The following SEMA6D variants were observed in gnomAD, a reference collection of about 807,000 sequenced individuals.
SEMA6D encodes semaphorin 6D.
SEMA6D carries 35 observed loss-of-function variants against 106.6 expected under a neutral mutation model. The ratio of observed to expected loss-of-function variants is 0.33; its 90% CI spans 0.25 to 0.44. The LOEUF (loss-of-function observed/expected upper bound fraction) is 0.44. Ranked by LOEUF, SEMA6D falls within the 20% of genes least tolerant of loss-of-function variation. The probability of loss-of-function intolerance (pLI) is 1.00; values close to 1 mark genes in which losing one functional copy is unlikely to be tolerated. For missense variants in SEMA6D, 1,185 were observed against 1,345.9 expected, an observed-to-expected ratio of 0.88 and a Z score of 1.87; for synonymous variants, 499 against 487.7, an observed-to-expected ratio of 1.02 and a Z score of -0.31.
intron 1 of SEMA6D, among the ~76,000 whole-genome samples, chr15:47,226,918 C>T (rs951727870): frequency 6.6e-6 from 1 of 152,008 alleles, no homozygotes; most frequent in Non-Finnish European, 1.5e-5. Context: ...TTCTAATTGT[C>T]TTTCATGGCT....
At chr15:47,404,218 T>C (rs2040487349) in intron 1 of SEMA6D, among the ~76,000 whole-genome samples, 2 of 152,142 alleles carry the variant, frequency 1.3e-5, no homozygotes, top group African/African-American at 4.8e-5. Context: ...GAACCTCTAT[T>C]CTAGAGGAAG....
At chr15:47,607,003 A>G (rs2076795128) in intron 4 of SEMA6D, among the ~76,000 whole-genome samples, 1 of 152,134 alleles carries the variant, frequency 6.6e-6, no homozygotes, top group South Asian at 2.1e-4. Flanking sequence ...AGATCCAAGA[A>G]TCAAGGGAGA....
At chr15:47,638,980 G>A (rs148244359) in intron 4 of SEMA6D, among the ~76,000 whole-genome samples, 1 of 152,312 alleles carries the variant, frequency 6.6e-6, no homozygotes, top group East Asian at 1.9e-4. Context: ...TTGCCTGCTT[G>A]TATGTGGCTT....
At chr15:47,364,943 G>A (rs916148105) in intron 1 of SEMA6D, among the ~76,000 whole-genome samples, 2 of 152,172 alleles carry the variant, frequency 1.3e-5, no homozygotes, top group African/African-American at 2.4e-5. Context: ...CAAAAGAAAA[G>A]CATGGTAGGC....
chr15:47,476,682 G>A (rs1797225), intron 3 of SEMA6D, among the ~76,000 whole-genome samples: 122,162 of 152,040 alleles, frequency 0.8, 50,057 homozygotes, highest in East Asian at 1. Context: ...GTGCTGACAC[G>A]CCCCAGGCAT....
chr15:47,326,604 A>G (rs1346778203), intron 1 of SEMA6D, among the ~76,000 whole-genome samples: 1 of 152,230 alleles, frequency 6.6e-6, no homozygotes, highest in African/African-American at 2.4e-5. Context: ...TTGCCGTGCG[A>G]ACCTTGAAAA....
intron 18 of SEMA6D, 23 bp downstream of exon 18, chr15:47,768,771 A>T: frequency 6.2e-7 from 1 of 1,600,980 alleles, no homozygotes; most frequent in Admixed American, 1.7e-5. Flanking sequence ...CAGGGACCTC[A>T]TCTCTAACTG....
At chr15:47,543,642 A>G (rs2045426401) in intron 3 of SEMA6D, among the ~76,000 whole-genome samples, 1 of 152,148 alleles carries the variant, frequency 6.6e-6, no homozygotes, top group South Asian at 2.1e-4. Context: ...CCTATGGGCT[A>G]GTTATTTTAA....
chr15:47,646,403 A>G (rs1407532611), intron 4 of SEMA6D, among the ~76,000 whole-genome samples: 1 of 152,208 alleles, frequency 6.6e-6, no homozygotes, highest in South Asian at 2.1e-4. Context: ...ATGAGAACGG[A>G]CTGAACGCAT....
chr15:47,335,042 A>G (rs2144244767), intron 1 of SEMA6D, among the ~76,000 whole-genome samples: 1 of 152,298 alleles, frequency 6.6e-6, no homozygotes, highest in South Asian at 2.1e-4. Flanking sequence ...AAATCTACCC[A>G]CAAAGGCGAA....
chr15:47,454,144 A>ACAAGGC (rs201608597), intron 2 of SEMA6D, among the ~76,000 whole-genome samples: 2,539 of 152,054 alleles, frequency 0.017, 76 homozygotes, highest in African/African-American at 0.058. Flanking sequence ...GTGGATATAT[A>ACAAGGC]CAAGGCTCTG....
chr15:47,764,402 C>A, intron 11 of SEMA6D, 97 bp downstream of exon 11: 1 of 1,424,614 alleles, frequency 7.0e-7, no homozygotes, highest in Non-Finnish European at 9.5e-7. Context: ...ACCTCCCACA[C>A]CAGGAAGGGG....
intron 3 of SEMA6D, among the ~76,000 whole-genome samples, chr15:47,581,776 G>A (rs976416501): frequency 6.6e-6 from 1 of 152,168 alleles, no homozygotes. Context: ...GCCACTGGAG[G>A]ACTTTTTCCA....
intron 1 of SEMA6D, among the ~76,000 whole-genome samples, chr15:47,351,314 TATTA>T (rs1490621258): frequency 6.6e-6 from 1 of 152,204 alleles, no homozygotes; most frequent in African/African-American, 2.4e-5. Context: ...TATTGTAAAC[TATTA>T]ATTGAGTTCT....
intron 1 of SEMA6D, among the ~76,000 whole-genome samples, chr15:47,755,792 T>C (rs2081690444): frequency 1.3e-5 from 2 of 151,070 alleles, no homozygotes; most frequent in Non-Finnish European, 3.0e-5. Flanking sequence ...TATAGAGCCT[T>C]AAGCTGTATG....
intron 1 of SEMA6D, among the ~76,000 whole-genome samples, chr15:47,256,991 A>G (rs915670245): frequency 3.3e-5 from 5 of 151,978 alleles, no homozygotes; most frequent in African/African-American, 9.7e-5. Context: ...TTTTATTTAT[A>G]TTTCTTACGT....
At chr15:47,639,892 G>A (rs1268256859) in intron 4 of SEMA6D, among the ~76,000 whole-genome samples, 2 of 152,134 alleles carry the variant, frequency 1.3e-5, no homozygotes, top group Non-Finnish European at 2.9e-5. Flanking sequence ...GCCAAAAGAG[G>A]CATGATTTAT....
chr15:47,224,898 C>T (rs974580123), intron 1 of SEMA6D, among the ~76,000 whole-genome samples: 3 of 151,790 alleles, frequency 2.0e-5, no homozygotes, highest in East Asian at 3.9e-4. Flanking sequence ...TCTTGCTGCT[C>T]GGTGAAGACA....
At chr15:47,188,093 G>C (rs139051972) in intron 1 of SEMA6D, among the ~76,000 whole-genome samples, 6 of 152,204 alleles carry the variant, frequency 3.9e-5, no homozygotes, top group African/African-American at 1.4e-4. Context: ...GGGGGATGCT[G>C]TTCTATTTAT....
Sources: gnomAD v4.1 joint callset for allele counts (sites outside exome capture counted in the v4.1 genomes callset) on GRCh38, gnomAD v4.1.1 for gene constraint, MANE v1.5 for transcripts, NCBI Gene and HGNC (gene_info 2026-07-23, HGNC 2026-07-21) for gene names.